The following AEBP1 variants were observed in gnomAD, a reference collection of about 807,000 sequenced individuals.
The protein encoded by AEBP1 is adipocyte enhancer-binding protein 1.
Under a neutral mutation model 116.5 loss-of-function variants are expected in AEBP1, and 69 were observed. That is an observed-to-expected ratio of 0.59 (90% CI 0.49 to 0.72). The LOEUF (loss-of-function observed/expected upper bound fraction) is 0.72. Among genes scored for constraint, AEBP1 ranks in the 30% least tolerant of loss-of-function variants. The pLI is 0.00. For synonymous variants in AEBP1, 627 were observed against 627.3 expected (o/e 1.00, Z 0.01); for missense variants, 1,444 against 1,557.5 (o/e 0.93, Z 1.23).
chr7:44,107,990 C>A lies in AEBP1; in HGVS notation c.863-17C>A, dbSNP rs2096224887. 1.3e-6 allele frequency: 2 copies of A among 1,570,904 alleles called. No homozygotes were observed. Among genetic ancestry groups the A allele is most frequent in the East Asian group, 4.8e-5 (2 of 42,084 alleles). On this transcript the variant is annotated splice_polypyrimidine_tract_variant and intron_variant, in intron 5 of 20. Transcript: ENST00000223357. This position sits in a 1 kb window ranked among gnomAD's most constrained non-coding sequence, Gnocchi z 4.3. ...CCACGGCGCTCTGGCCCCCTCCTAA[C>A]CTCCCCGCCTCCCCAGAGCCTCCTG...
rs200791707 is a variant in AEBP1, at chr7:44,113,828, A to G, written c.3044A>G (p.Gln1015Arg). The G allele has an allele frequency of 1.9e-6, 3 of 1,613,782 alleles. No individual in the cohort carries two copies. The highest frequency in any genetic ancestry group is 2.5e-6 in the Non-Finnish European group (3 of 1,179,978). ...IDPSRPMTPQ[Q>R]RRLQQRRLQH... ...CCATCGCGCCCTATGACCCCCCAAC[A>G]GCGACGCCTGCAGCAGCGACGCCTA... Residue 1015 changes from glutamine to arginine, a missense_variant, in exon 21 of 21, where the codon CAG becomes CGG. Coordinates refer to ENST00000223357, the MANE Select transcript of AEBP1 (RefSeq NM_001129.5). The surrounding 1 kb of genome is among the most constrained non-coding windows in gnomAD (Gnocchi z 5.3).
chr7:44,111,597 G>A lies in AEBP1; in HGVS notation c.1807G>A (p.Glu603Lys). ...ACGAGGCCTCAAGATCTATGCCATGGAGATCTCAGACAACCCTGGGGAGCA... is the reference window on the plus strand; with the variant it reads ...ACGAGGCCTCAAGATCTATGCCATGAAGATCTCAGACAACCCTGGGGAGCA... ...SSRGLKIYAMEISDNPGEHEL... is the reference protein window; with the variant it reads ...SSRGLKIYAMKISDNPGEHEL... The change falls in exon 15 of 21, where the codon GAG becomes AAG. Residue 603 changes from glutamate to lysine, a missense_variant. By Grantham distance (56) the Glu-to-Lys change is moderately conservative (BLOSUM62 1). Coordinates refer to ENST00000223357, the MANE Select transcript of AEBP1 (RefSeq NM_001129.5). The surrounding 1 kb of genome is among the most constrained non-coding windows in gnomAD (Gnocchi z 4.7). 6.2e-7 allele frequency: 1 copy of A among 1,613,224 alleles called. No homozygotes were observed. The highest frequency in any genetic ancestry group is 8.5e-7 in the Non-Finnish European group (1 of 1,179,746).
In AEBP1 at chr7:44,113,361, G is replaced by A. The variant is rs919853566; in HGVS notation, c.2809+10G>A. The A allele has an allele frequency of 3.1e-6, 5 of 1,607,560 alleles. No homozygotes were observed. Among genetic ancestry groups the A allele is most frequent in the Admixed American group, 1.7e-5 (1 of 59,278 alleles). ...CACGGCGTGAAGACAGGTACCTAGTGTGCACACCTTTACCCCATCTTTCTG... is the reference window on the plus strand; with the variant it reads ...CACGGCGTGAAGACAGGTACCTAGTATGCACACCTTTACCCCATCTTTCTG... On this transcript the variant is annotated intron_variant, in intron 20 of 20. Transcript: ENST00000223357. This position sits in a 1 kb window ranked among gnomAD's most constrained non-coding sequence, Gnocchi z 5.3.
chr7:44,105,485 T>G (rs1418212089), intron 1 of AEBP1, among the ~76,000 whole-genome samples: 1 of 152,138 alleles, frequency 6.6e-6, no homozygotes, highest in Non-Finnish European at 1.5e-5. Context: ...CATAATCAGT[T>G]GTCAGTAAAT....
chr7:44,110,183 C>T lies in AEBP1; in HGVS notation c.1261-24C>T, dbSNP rs548484253. 20 of 1,613,448 alleles carry T rather than the reference C, an allele frequency of 1.2e-5. No individual in the cohort carries two copies. In the South Asian group the frequency reaches 1.8e-4, roughly 14 times the overall value. On this transcript the variant is annotated intron_variant, in intron 10 of 20. Coordinates refer to ENST00000223357, the MANE Select transcript of AEBP1 (RefSeq NM_001129.5). Reference sequence around the variant, plus strand: ...GATAAGGGACTCCTCCGCCCATGCTCAGCCTCCCCTGCCCCCTGGACAGAC... The same window carrying T: ...GATAAGGGACTCCTCCGCCCATGCTTAGCCTCCCCTGCCCCCTGGACAGAC...
chr7:44,112,678 A>G lies in AEBP1; in HGVS notation c.2338A>G (p.Thr780Ala), dbSNP rs769797324. 2.5e-6 allele frequency: 4 copies of G among 1,613,034 alleles called. No homozygotes were observed. Among genetic ancestry groups the G allele is most frequent in the South Asian group, 1.1e-5 (1 of 91,064 alleles). ...SYPYDMARTP[T>A]QEQLLAAAMA... Reference sequence around the variant, plus strand: ...CCCCTACGATATGGCCCGCACGCCTACCCAGGAGCAGCTGCTGGCCGCAGC... The same window carrying G: ...CCCCTACGATATGGCCCGCACGCCTGCCCAGGAGCAGCTGCTGGCCGCAGC... The change falls in exon 18 of 21, where the codon ACC becomes GCC. Residue 780 changes from threonine to alanine, a missense_variant. Transcript: ENST00000223357. This position sits in a 1 kb window ranked among gnomAD's most constrained non-coding sequence, Gnocchi z 6.6.
rs895522405 is a variant in AEBP1 at position 44,108,605 on chromosome 7, G to A, written c.941-294G>A. The stretch of plus-strand genomic sequence containing the variant: ...CTCACCCCCCAGCCCGCAACCCCAG[G>A]CACAGGTGCCAGTTGTCCCTCCAGG... On this transcript the variant is annotated intron_variant, in intron 6 of 20. Coordinates refer to ENST00000223357, the MANE Select transcript of AEBP1 (RefSeq NM_001129.5). This position sits in a 1 kb window ranked among gnomAD's most constrained non-coding sequence, Gnocchi z 5.0. Among the ~76,000 whole-genome samples, 3 of 152,120 alleles carry A rather than the reference G, an allele frequency of 2.0e-5. No homozygotes were observed. Among genetic ancestry groups the A allele is most frequent in the Non-Finnish European group, 2.9e-5 (2 of 68,004 alleles).
rs920693654 is a variant in AEBP1, at chr7:44,108,557, C to T, written c.941-342C>T. ...CATTTCCCTGCCCCCAGGTCCCCAT[C>T]AGTGCCTCCAATGTCTCCCCATCTC... is the stretch of plus-strand genomic sequence containing the variant. On this transcript the variant is annotated intron_variant, in intron 6 of 20. Coordinates refer to ENST00000223357, the MANE Select transcript of AEBP1 (RefSeq NM_001129.5). This position sits in a 1 kb window ranked among gnomAD's most constrained non-coding sequence, Gnocchi z 5.0. Among the ~76,000 whole-genome samples the T allele has an allele frequency of 2.8e-4, 43 of 152,142 alleles. No homozygotes were observed. The highest frequency in any genetic ancestry group is 9.9e-4 in the African/African-American group (41 of 41,428).
rs201863391 is a variant in AEBP1, at chr7:44,111,140, C to T, written c.1631-14C>T. ...GCCGGCACCCAGCTAAAGACAACCC[C>T]GCCTCCCTTGCAGCTGTCTACAGCT... On this transcript the variant is annotated splice_polypyrimidine_tract_variant and intron_variant, in intron 13 of 20. Transcript: ENST00000223357. The surrounding 1 kb of genome is among the most constrained non-coding windows in gnomAD (Gnocchi z 4.7). 1.1e-4 allele frequency: 165 copies of T among 1,561,618 alleles called. No homozygotes were observed. The highest frequency in any genetic ancestry group is 1.3e-4 in the Non-Finnish European group (152 of 1,151,376).
Position 44,104,809 on chromosome 7 carries a change from G to A in AEBP1, c.144G>A (p.Glu48=). The A allele has an allele frequency of 6.2e-7, 1 of 1,607,364 alleles. No homozygotes were observed. Among genetic ancestry groups the A allele is most frequent in the Non-Finnish European group, 8.5e-7 (1 of 1,177,740 alleles). Reference sequence around the variant, plus strand: ...GCTTCCTGTCAGAGCTAGAACCTGAGCCCCGGGAGGACGACGTGGAGGCCC... The same window carrying A: ...GCTTCCTGTCAGAGCTAGAACCTGAACCCCGGGAGGACGACGTGGAGGCCC... ...LEGFLSELEP[E]PREDDVEAPP... is the part of the protein sequence containing the mutation. Residue 48 remains glutamate (E), a synonymous_variant, in exon 1 of 21, where the codon GAG becomes GAA. Transcript: ENST00000223357.
chr7:44,112,585 G>A lies in AEBP1; in HGVS notation c.2245G>A (p.Ala749Thr), dbSNP rs769893776. 7 of 1,600,044 alleles carry A rather than the reference G, an allele frequency of 4.4e-6. No homozygotes were observed. In the Admixed American group the frequency reaches 8.4e-5, roughly 19 times the overall value. The change falls in exon 18 of 21, where the codon GCC (alanine) becomes ACC (threonine). Residue 749 changes from alanine to threonine, a missense_variant. Physicochemically the swap from Ala to Thr is moderately conservative, Grantham distance 58. Coordinates refer to ENST00000223357, the MANE Select transcript of AEBP1 (RefSeq NM_001129.5). The surrounding 1 kb of genome is among the most constrained non-coding windows in gnomAD (Gnocchi z 6.6). Reference sequence around the variant, plus strand: ...ATCCACGGAGGTCCGGGCCATCATTGCCTGGATGGAGAAGAACCCCTTCGT... The same window carrying A: ...ATCCACGGAGGTCCGGGCCATCATTACCTGGATGGAGAAGAACCCCTTCGT... ...TVSTEVRAII[A>T]WMEKNPFVLG...
rs778687893 is a variant in AEBP1, at chr7:44,111,859, C to T, written c.1846C>T (p.Pro616Ser). Residue 616 changes from proline to serine, a missense_variant, in exon 16 of 21, where the codon CCC becomes TCC. Physicochemically the swap from Pro to Ser is moderately conservative, Grantham distance 74 (BLOSUM62 -1). Coordinates refer to ENST00000223357, the MANE Select transcript of AEBP1 (RefSeq NM_001129.5). The surrounding 1 kb of genome is among the most constrained non-coding windows in gnomAD (Gnocchi z 4.7). Reference protein sequence around the residue: ...DNPGEHELGEPEFRYTAGIHG... With the variant: ...DNPGEHELGESEFRYTAGIHG... ...TGAGGCTCCCGCCCTTGCAGGGGAG[C>T]CCGAGTTCCGCTACACTGCTGGGAT... The T allele has an allele frequency of 6.2e-7, 1 of 1,612,370 alleles. No individual in the cohort carries two copies. Among genetic ancestry groups the T allele is most frequent in the Non-Finnish European group, 8.5e-7 (1 of 1,179,438 alleles).
At position 44,110,053 on chromosome 7, in the gene AEBP1, G is replaced by A. The variant is rs746511882; in HGVS notation, c.1189G>A (p.Asp397Asn). The A allele has an allele frequency of 7.4e-6, 12 of 1,612,900 alleles. No homozygotes were observed. Among genetic ancestry groups the A allele is most frequent in the Non-Finnish European group, 9.3e-6 (11 of 1,179,998 alleles). Residue 397 changes from aspartate (D) to asparagine (N), a missense_variant, in exon 10 of 21, where the codon GAC becomes AAC. Physicochemically the swap from Asp to Asn is conservative, Grantham distance 23. Coordinates refer to ENST00000223357, the MANE Select transcript of AEBP1 (RefSeq NM_001129.5). ...PIGMESHRIE[D>N]NQIRASSMLR... Reference sequence around the variant, plus strand: ...TGGGATGGAGTCACACCGTATTGAGGACAACCAGATCCGAGCCTCCTCCAT... The same window carrying A: ...TGGGATGGAGTCACACCGTATTGAGAACAACCAGATCCGAGCCTCCTCCAT...
At chr7:44,106,988 C>A in intron 2 of AEBP1, 101 bp downstream of exon 2, 1 of 866,926 alleles carries the variant, frequency 1.2e-6, no homozygotes, top group Non-Finnish European at 1.7e-6. Flanking sequence ...TCCTATAGAC[C>A]TTCAGCTCCC....
chr7:44,105,292 TTCACGTCGTCCCTCCC>T (rs1266243718), intron 1 of AEBP1, among the ~76,000 whole-genome samples: 2 of 152,208 alleles, frequency 1.3e-5, no homozygotes, highest in African/African-American at 2.4e-5. Context: ...GTGGCACAGC[TTCACGTCGTCCCTCCC>T]TCCTGCCTTT....
Position 44,112,744 on chromosome 7 carries a change from G to A in AEBP1, c.2404G>A (p.Glu802Lys). ...ARGEDEDEVS[E>K]AQETPDHAIF... ...GGGGGAGGATGAGGACGAGGTCTCCGAGGCCCAGGAGACTCCAGACCACGC... is the reference window on the plus strand; with the variant it reads ...GGGGGAGGATGAGGACGAGGTCTCCAAGGCCCAGGAGACTCCAGACCACGC... The change falls in exon 18 of 21, where the codon GAG becomes AAG. Residue 802 changes from glutamate (E) to lysine (K), a missense_variant. Physicochemically the swap from Glu to Lys is moderately conservative, Grantham distance 56. Coordinates refer to ENST00000223357, the MANE Select transcript of AEBP1 (RefSeq NM_001129.5). This position sits in a 1 kb window ranked among gnomAD's most constrained non-coding sequence, Gnocchi z 6.6. 1 of 1,613,108 alleles carries A rather than the reference G, an allele frequency of 6.2e-7. No individual in the cohort carries two copies. The highest frequency in any genetic ancestry group is 1.1e-5 in the South Asian group (1 of 91,082).
In AEBP1 at chr7:44,107,639, G is replaced by C. The variant is rs367737639; in HGVS notation, c.678G>C (p.Glu226Asp). ...GCGCTTTCCCCTCAGAGCCGGAGGA[G>C]GAGACCGAGCAACCCACACTGGACT... ...EAREHQPEPE[E>D]ETEQPTLDYN... Residue 226 changes from glutamate to aspartate, a missense_variant, in exon 4 of 21, where the codon GAG becomes GAC. Physicochemically the swap from Glu to Asp is conservative, Grantham distance 45 (BLOSUM62 2). Transcript: ENST00000223357. The surrounding 1 kb of genome is among the most constrained non-coding windows in gnomAD (Gnocchi z 4.3). 1.1e-5 allele frequency: 17 copies of C among 1,613,572 alleles called. No individual in the cohort carries two copies. Among genetic ancestry groups the C allele is most frequent in the Non-Finnish European group, 1.3e-5 (15 of 1,179,978 alleles).
chr7:44,110,820 T>C lies in AEBP1; in HGVS notation c.1485+11T>C, dbSNP rs1350378162. ...GGCTATGAGGAAATGGTGGGCACCA[T>C]GCCCAGGCTCTTGGCTCTGCTCCCA... is the stretch of plus-strand genomic sequence containing the variant. On this transcript the variant is annotated intron_variant, in intron 12 of 20. Transcript: ENST00000223357. The C allele has an allele frequency of 3.2e-6, 5 of 1,584,562 alleles. No homozygotes were observed. The South Asian group carries it at 5.7e-5, about 18-fold the overall frequency.
chr7:44,106,094 G>T (rs373390445), intron 1 of AEBP1: 2 of 439,686 alleles, frequency 4.5e-6, no homozygotes, highest in Non-Finnish European at 9.1e-6. Context: ...TTCTTGCCCC[G>T]TAGGAGACCA....
Sources: allele counts gnomAD v4.1 joint callset (sites outside exome capture counted in the v4.1 genomes callset), GRCh38; gene constraint gnomAD v4.1.1; non-coding constraint Gnocchi (gnomAD v3.1); transcripts MANE v1.5; gene names NCBI Gene and HGNC (gene_info 2026-07-23, HGNC 2026-07-21).